Variants in SCNN1B observed in about 807,000 individuals in gnomAD.
SCNN1B encodes sodium channel epithelial 1 subunit beta, also known as epithelial sodium channel subunit beta.
In SCNN1B, 46 loss-of-function variants were observed where a neutral mutation model predicts 65.3. The observed-to-expected ratio is 0.70, with a 90% confidence interval of 0.56 to 0.90. The LOEUF (loss-of-function observed/expected upper bound fraction) is 0.90. Among genes scored for constraint, SCNN1B ranks in the 40% least tolerant of loss-of-function variants. SCNN1B has a pLI of 0.00. For synonymous variants in SCNN1B, 349 were observed against 330.6 expected, an observed-to-expected ratio of 1.06 and a Z score of -0.60; for missense variants, 751 against 830.5, an observed-to-expected ratio of 0.90 and a Z score of 1.18.
At chr16:23,320,590 T>G (rs920721418) in intron 1 of SCNN1B, among the ~76,000 whole-genome samples, 1 of 152,216 alleles carries the variant, frequency 6.6e-6, no homozygotes, top group East Asian at 1.9e-4. Context: ...TGATTGGAGT[T>G]GTGAGACAGC....
At chr16:23,360,573 T>C (rs1322964263) in intron 4 of SCNN1B, among the ~76,000 whole-genome samples, 1 of 147,790 alleles carries the variant, frequency 6.8e-6, no homozygotes, top group Admixed American at 6.8e-5. Context: ...AGAGACTTTG[T>C]TGTTGGTGGT....
chr16:23,318,800 C>T (rs910646152), intron 1 of SCNN1B, among the ~76,000 whole-genome samples: 7 of 152,264 alleles, frequency 4.6e-5, no homozygotes, highest in Admixed American at 2.0e-4. Flanking sequence ...CGCAGAGTCA[C>T]CCATAGGAAG....
intron 1 of SCNN1B, among the ~76,000 whole-genome samples, chr16:23,338,647 G>C (rs747666331): frequency 3.1e-4 from 47 of 152,306 alleles, no homozygotes; most frequent in Non-Finnish European, 5.9e-4. Context: ...AGTAAAGAGG[G>C]CTGGGTATAA....
At chr16:23,370,878 A>T (rs1305974815) in intron 5 of SCNN1B, among the ~76,000 whole-genome samples, 1 of 152,228 alleles carries the variant, frequency 6.6e-6, no homozygotes, top group African/African-American at 2.4e-5. Context: ...AGCACTCCAG[A>T]GTGAGGAACA....
chr16:23,281,257 AC>A (rs1426010592), intron 1 of SCNN1B, among the ~76,000 whole-genome samples: 2 of 152,120 alleles, frequency 1.3e-5, no homozygotes, highest in African/African-American at 4.8e-5. Flanking sequence ...ACATGGTGAA[AC>A]CCCATCTCTA....
At chr16:23,333,213 G>A (rs1961864584) in intron 1 of SCNN1B, among the ~76,000 whole-genome samples, 1 of 88,704 alleles carries the variant, frequency 1.1e-5, no homozygotes, top group African/African-American at 4.7e-5. Context: ...AAGGAAGGAA[G>A]AAAGAAAAAA....
rs193211556 is a variant in SCNN1B at position 23,378,720 on chromosome 16, C to A, written c.1419C>A (p.His473Gln). ...TTGGGTTCCAGGACTGGATTTTCCA[C>A]GTCTTGTCTCAGGAGCGGGACCAAA... ...PSEASEDWIF[H>Q]VLSQERDQST... The change falls in exon 11 of 13, where the codon CAC (histidine) becomes CAA (glutamine). Residue 473 changes from histidine to glutamine, a missense_variant. By Grantham distance (24) the His-to-Gln change is conservative (BLOSUM62 0). Coordinates refer to ENST00000343070, the MANE Select transcript of SCNN1B (RefSeq NM_000336.3). 2 of 1,614,136 alleles carry A rather than the reference C, an allele frequency of 1.2e-6. No individual in the cohort carries two copies. Among genetic ancestry groups the A allele is most frequent in the African/African-American group, 1.3e-5 (1 of 75,014 alleles).
chr16:23,362,577 A>G (rs1962574756), intron 4 of SCNN1B, among the ~76,000 whole-genome samples: 1 of 152,152 alleles, frequency 6.6e-6, no homozygotes, highest in Non-Finnish European at 1.5e-5. Context: ...CTCCCAGCCC[A>G]GCAGAGATTT....
chr16:23,279,453 G>A lies in SCNN1B; in HGVS notation n.110+1113G>A, dbSNP rs1960754319. 1.3e-5 allele frequency among the ~76,000 whole-genome samples: 2 copies of A among 152,098 alleles called. 1 individual carries two copies. Among genetic ancestry groups the A allele is most frequent in the South Asian group, 4.1e-4 (2 of 4,820 alleles). On this transcript the variant is annotated intron_variant and non_coding_transcript_variant, in intron 1 of 3. Transcript: ENST00000569789. ...AAACTTACACAAGGAGGAGGGTGAGGGAGAAGCTTCTGGTGTTCAGTGCTG... is the reference window on the plus strand; with the variant it reads ...AAACTTACACAAGGAGGAGGGTGAGAGAGAAGCTTCTGGTGTTCAGTGCTG...
intron 1 of SCNN1B, among the ~76,000 whole-genome samples, chr16:23,339,960 T>A (rs1962021881): frequency 6.6e-6 from 1 of 152,120 alleles, no homozygotes; most frequent in Non-Finnish European, 1.5e-5. Context: ...TTGCTACACA[T>A]CCTCACCAAT....
intron 1 of SCNN1B, among the ~76,000 whole-genome samples, chr16:23,305,980 C>T (rs1036177761): frequency 6.6e-6 from 1 of 152,126 alleles, no homozygotes; most frequent in African/African-American, 2.4e-5. Context: ...CAGTGGCTCA[C>T]GCCTGTAATC....
chr16:23,374,573 CAAAAAAA>C (rs1168924579), intron 7 of SCNN1B, among the ~76,000 whole-genome samples: 7 of 48,326 alleles, frequency 1.4e-4, no homozygotes, highest in Non-Finnish European at 2.1e-4. Flanking sequence ...GACTCCATCT[CAAAAAAA>C]AAAAAAAAAA....
chr16:23,353,446 C>G (rs1156231093), intron 3 of SCNN1B, among the ~76,000 whole-genome samples: 1 of 152,240 alleles, frequency 6.6e-6, no homozygotes, highest in Non-Finnish European at 1.5e-5. Flanking sequence ...CAGGCAAGAT[C>G]TCTCCATGTG....
chr16:23,296,627 G>C (rs927856740), intron 2 of SCNN1B, among the ~76,000 whole-genome samples: 1 of 152,132 alleles, frequency 6.6e-6, no homozygotes. Flanking sequence ...ATAACAAAAA[G>C]GACATGGATC....
chr16:23,348,690 G>A lies in SCNN1B; in HGVS notation c.91G>A (p.Asp31Asn), dbSNP rs370777535. ...TYKELLVWYC[D>N]NTNTHGPKRI... Reference sequence around the variant, plus strand: ...CAAGGAGCTGCTGGTGTGGTACTGCGACAACACCAACACCCACGGCCCCAA... The same window carrying A: ...CAAGGAGCTGCTGGTGTGGTACTGCAACAACACCAACACCCACGGCCCCAA... The change falls in exon 2 of 13, where the codon GAC becomes AAC. Residue 31 changes from aspartate (D) to asparagine (N), a missense_variant. Physicochemically the swap from Asp to Asn is conservative, Grantham distance 23. Coordinates refer to ENST00000343070, the MANE Select transcript of SCNN1B (RefSeq NM_000336.3). The surrounding 1 kb of genome is among the most constrained non-coding windows in gnomAD (Gnocchi z 4.5). The A allele has an allele frequency of 2.2e-5, 35 of 1,613,844 alleles. No individual in the cohort carries two copies. Among genetic ancestry groups the A allele is most frequent in the African/African-American group, 2.7e-5 (2 of 74,922 alleles).
intron 1 of SCNN1B, among the ~76,000 whole-genome samples, chr16:23,329,697 C>T (rs557471987): frequency 3.9e-4 from 59 of 152,364 alleles, no homozygotes; most frequent in African/African-American, 1.3e-3. Flanking sequence ...ACCAACTCCC[C>T]AGTAAGGGGA....
intron 10 of SCNN1B, among the ~76,000 whole-genome samples, 182 bp downstream of exon 10, chr16:23,377,568 T>C (rs372734730): frequency 1.2e-4 from 3 of 24,804 alleles, no homozygotes; most frequent in Non-Finnish European, 3.0e-4. Flanking sequence ...CTTCCTCCTC[T>C]CTTTTCCCTT....
Position 23,380,972 on chromosome 16 carries a change from G to A in SCNN1B, c.*171G>A. 1 of 738,816 alleles carries A rather than the reference G, an allele frequency of 1.4e-6. No homozygotes were observed. Among genetic ancestry groups the A allele is most frequent in the South Asian group, 1.5e-5 (1 of 66,812 alleles). The allele number at this position is 738,816 out of a possible 1,614,324, so 45.8% of individuals were successfully genotyped here. On this transcript the variant is annotated 3_prime_UTR_variant, in exon 13 of 13. Coordinates refer to ENST00000343070, the MANE Select transcript of SCNN1B (RefSeq NM_000336.3). This position sits in a 1 kb window ranked among gnomAD's most constrained non-coding sequence, Gnocchi z 5.4. ...GGCAACTGGTCCGTTACTGGCCAAG[G>A]GCTCTGTAGAATCACGGTGCTGGTA...
intron 4 of SCNN1B, among the ~76,000 whole-genome samples, chr16:23,357,742 C>T (rs1466716496): frequency 1.3e-5 from 2 of 152,148 alleles, no homozygotes; most frequent in Non-Finnish European, 2.9e-5. Flanking sequence ...CTGATGGCGC[C>T]CTGCTGATGG....
Sources: gnomAD v4.1 joint callset for allele counts (sites outside exome capture counted in the v4.1 genomes callset) on GRCh38, gnomAD v4.1.1 for gene constraint, Gnocchi (gnomAD v3.1) non-coding constraint, MANE v1.5 for transcripts, NCBI Gene and HGNC (gene_info 2026-07-23, HGNC 2026-07-21) for gene names.